Variants in GRIA4 observed in about 807,000 individuals in gnomAD.
GRIA4 encodes the protein glutamate ionotropic receptor AMPA type subunit 4.
GRIA4 carries 34 observed loss-of-function variants against 104.0 expected under a neutral mutation model. The observed-to-expected ratio is 0.33, with a 90% CI of 0.25 to 0.44. The LOEUF is 0.44. GRIA4 is among the 20% of genes least tolerant of loss of function. GRIA4 has a pLI of 1.00. For synonymous variants in GRIA4, 386 were observed against 381.9 expected, an observed-to-expected ratio of 1.01 and a Z score of -0.13; for missense variants, 750 against 1,096.5, an observed-to-expected ratio of 0.68 and a Z score of 4.46.
At chr11:105,939,284 C>G (rs989280019) in intron 14 of GRIA4, among the ~76,000 whole-genome samples, 2 of 152,092 alleles carry the variant, frequency 1.3e-5, no homozygotes, top group Non-Finnish European at 2.9e-5. Flanking sequence ...CAAGGGTTAG[C>G]CTTTTGCTCT....
At position 105,802,295 on chromosome 11, in the gene GRIA4, G is replaced by C. The variant is rs529850200; in HGVS notation, c.487+49075G>C. Among the ~76,000 whole-genome samples the C allele has an allele frequency of 3.3e-5, 5 of 152,212 alleles. 1 individual carries two copies. Among genetic ancestry groups the C allele is most frequent in the African/African-American group, 1.2e-4 (5 of 41,562 alleles). ...TGACAGTGCTGGACCAGGAGATGTT[G>C]AAACAGAGCTTCCTCTATGCATTCC... On this transcript the variant is annotated intron_variant, in intron 4 of 16. Coordinates refer to ENST00000282499, the MANE Select transcript of GRIA4 (RefSeq NM_000829.4).
At chr11:105,752,054 T>C (rs980154217) in intron 3 of GRIA4, among the ~76,000 whole-genome samples, 1 of 152,200 alleles carries the variant, frequency 6.6e-6, no homozygotes, top group African/African-American at 2.4e-5. Context: ...TCCCTTAAAA[T>C]ATAAATTGGA....
chr11:105,966,787 A>G (rs964229351), intron 14 of GRIA4, among the ~76,000 whole-genome samples: 2 of 152,148 alleles, frequency 1.3e-5, no homozygotes, highest in Non-Finnish European at 2.9e-5. Flanking sequence ...CTTCTTCACT[A>G]TATATCAGTA....
chr11:105,944,121 AGATG>A (rs1948248622), intron 14 of GRIA4, among the ~76,000 whole-genome samples: 1 of 152,202 alleles, frequency 6.6e-6, no homozygotes, highest in African/African-American at 2.4e-5. Context: ...TAATAGTAGT[AGATG>A]GAGACAAGAT....
chr11:105,978,923 A>C (rs1392233636), intron 16 of GRIA4, among the ~76,000 whole-genome samples: 1 of 152,198 alleles, frequency 6.6e-6, no homozygotes, highest in Non-Finnish European at 1.5e-5. Context: ...AGTCATGACC[A>C]TTCAGTAGGC....
intron 3 of GRIA4, among the ~76,000 whole-genome samples, chr11:105,731,926 G>C (rs1463127460): frequency 6.6e-6 from 1 of 152,072 alleles, no homozygotes. Context: ...ACCTAATGTA[G>C]ATGATGGGTC....
intron 4 of GRIA4, among the ~76,000 whole-genome samples, chr11:105,754,135 C>T (rs1195318724): frequency 1.3e-5 from 2 of 152,110 alleles, no homozygotes; most frequent in African/African-American, 4.8e-5. Context: ...GTAACAAGCT[C>T]CCATCTTGGA....
intron 14 of GRIA4, among the ~76,000 whole-genome samples, chr11:105,953,531 A>G (rs1231997522): frequency 6.6e-6 from 1 of 152,220 alleles, no homozygotes; most frequent in African/African-American, 2.4e-5. Context: ...TAACAGAATG[A>G]ATAGTCTATG....
chr11:105,624,166 A>G (rs1950826564), intron 3 of GRIA4, among the ~76,000 whole-genome samples: 1 of 152,124 alleles, frequency 6.6e-6, no homozygotes, highest in South Asian at 2.1e-4. Flanking sequence ...GAGTATAAAG[A>G]AAATATATCC....
Position 105,971,984 on chromosome 11 carries a change from T to C in GRIA4, c.2365T>C (p.Trp789Arg), listed in dbSNP as rs1156694424. 1 of 1,612,688 alleles carries C rather than the reference T, an allele frequency of 6.2e-7. No homozygotes were observed. The highest frequency in any genetic ancestry group is 8.5e-7 in the Non-Finnish European group (1 of 1,179,174). ...GVLDKLKNKW[W>R]YDKGECGPKD... is the part of the protein sequence containing the mutation. ...CTTAGACAAGCTGAAAAACAAATGG[T>C]GGTACGATAAAGGTGAATGTGGACC... Residue 789 changes from tryptophan to arginine, a missense_variant, in exon 15 of 17, where the codon TGG (tryptophan) becomes CGG (arginine). Coordinates refer to ENST00000282499, the MANE Select transcript of GRIA4 (RefSeq NM_000829.4).
intron 3 of GRIA4, among the ~76,000 whole-genome samples, chr11:105,704,828 T>C (rs1239886902): frequency 6.6e-6 from 1 of 152,144 alleles, no homozygotes; most frequent in African/African-American, 2.4e-5. Context: ...ATTATAGCAA[T>C]GTTTCTCCCA....
At chr11:105,623,566 G>A (rs999947034) in intron 3 of GRIA4, among the ~76,000 whole-genome samples, 2 of 151,740 alleles carry the variant, frequency 1.3e-5, no homozygotes, top group East Asian at 1.9e-4. Context: ...GTCTTCTTTC[G>A]TCTATGCCCT....
intron 4 of GRIA4, among the ~76,000 whole-genome samples, chr11:105,771,282 T>C (rs1941196609): frequency 6.6e-6 from 1 of 152,114 alleles, no homozygotes; most frequent in Non-Finnish European, 1.5e-5. Context: ...AAAAGCTATT[T>C]TGCACTATTT....
intron 3 of GRIA4, among the ~76,000 whole-genome samples, chr11:105,683,871 T>A (rs1474933206): frequency 6.6e-6 from 1 of 151,838 alleles, no homozygotes; most frequent in Non-Finnish European, 1.5e-5. Flanking sequence ...ATAGAAAAAA[T>A]AGAAATAAAT....
At chr11:105,802,714 A>T (rs1182207446) in intron 4 of GRIA4, among the ~76,000 whole-genome samples, 2 of 151,978 alleles carry the variant, frequency 1.3e-5, no homozygotes, top group East Asian at 3.9e-4. Context: ...ACAGGAATAT[A>T]GAATACATCT....
chr11:105,751,551 T>G (rs1410491670), intron 3 of GRIA4, among the ~76,000 whole-genome samples: 1 of 152,198 alleles, frequency 6.6e-6, no homozygotes, highest in East Asian at 1.9e-4. Flanking sequence ...AAATTCTAGT[T>G]CCTTGGTGAG....
In GRIA4 at chr11:105,965,830, T is replaced by G. The variant is rs979523181; in HGVS notation, c.2295-6084T>G. 14 of 760,536 alleles carry G rather than the reference T, an allele frequency of 1.8e-5. 1 individual carries two copies. In the South Asian group the frequency reaches 2.2e-4, roughly 12 times the overall value. The allele number at this position is 760,536 out of a possible 1,614,324, so 47.1% of individuals were successfully genotyped here. A position where few individuals can be genotyped will look rare whatever the true frequency, so the allele number is the denominator to read the frequency against. ...TCCAGAGGAAGGGGCTGCAGGATGG[T>G]AAAATGAGAGGTTTATTTAGCGTCT... is the stretch of plus-strand genomic sequence containing the variant. On this transcript the variant is annotated intron_variant, in intron 14 of 16. Coordinates refer to ENST00000282499, the MANE Select transcript of GRIA4 (RefSeq NM_000829.4).
At chr11:105,692,881 T>C (rs1953139695) in intron 3 of GRIA4, among the ~76,000 whole-genome samples, 1 of 152,152 alleles carries the variant, frequency 6.6e-6, no homozygotes, top group African/African-American at 2.4e-5. Context: ...TACTGAAATA[T>C]AAATGGACGT....
chr11:105,790,222 A>G (rs924108018), intron 4 of GRIA4, among the ~76,000 whole-genome samples: 1 of 152,154 alleles, frequency 6.6e-6, no homozygotes, highest in Non-Finnish European at 1.5e-5. Context: ...CCCTTTGTAC[A>G]TTCTTTTACT....
Sources: gnomAD v4.1 joint callset for allele counts (sites outside exome capture counted in the v4.1 genomes callset) on GRCh38, gnomAD v4.1.1 for gene constraint, MANE v1.5 for transcripts, NCBI Gene and HGNC (gene_info 2026-07-23, HGNC 2026-07-21) for gene names.